The following IQCM variants were observed in gnomAD, a reference collection of about 807,000 sequenced individuals.
IQCM encodes the protein IQ motif containing M.
Under a neutral mutation model 57.6 loss-of-function variants are expected in IQCM, and 45 were observed. That is an observed-to-expected ratio of 0.78 (90% CI 0.62 to 1.00). The LOEUF (loss-of-function observed/expected upper bound fraction) is 1.00. Ranked by LOEUF, IQCM falls within the 50% of genes least tolerant of loss-of-function variation. The pLI, the probability that IQCM is intolerant of heterozygous loss-of-function variation, is 0.00. For synonymous variants in IQCM, 148 were observed against 158.9 expected (o/e 0.93, Z 0.51); for missense variants, 468 against 511.6 (o/e 0.91, Z 0.82).
intron 2 of IQCM, among the ~76,000 whole-genome samples, chr4:149,813,452 C>T (rs918392101): frequency 1.3e-5 from 2 of 151,998 alleles, no homozygotes; most frequent in African/African-American, 4.8e-5. Flanking sequence ...TGAAGTACTA[C>T]ACCCAAGAAA....
chr4:149,361,365 A>C (rs7665971), intron 13 of IQCM, among the ~76,000 whole-genome samples: 42,877 of 151,922 alleles, frequency 0.28, 6,159 homozygotes, highest in Middle Eastern at 0.33. Context: ...GTAGCAAGGA[A>C]CCTAATGTTA....
At chr4:149,510,066 G>T (rs1744242777) in intron 12 of IQCM, among the ~76,000 whole-genome samples, 1 of 152,072 alleles carries the variant, frequency 6.6e-6, no homozygotes, top group African/African-American at 2.4e-5. Context: ...TTGCCAACAT[G>T]ATTTCCACAA....
chr4:149,470,208 T>C (rs1237594435), intron 12 of IQCM, among the ~76,000 whole-genome samples: 1 of 151,908 alleles, frequency 6.6e-6, no homozygotes, highest in Non-Finnish European at 1.5e-5. Context: ...GACCCATCAG[T>C]GTGCTGTATT....
At chr4:149,727,400 T>C (rs1415446104) in intron 5 of IQCM, among the ~76,000 whole-genome samples, 1 of 152,188 alleles carries the variant, frequency 6.6e-6, no homozygotes, top group Non-Finnish European at 1.5e-5. Flanking sequence ...ATGCTGTCTT[T>C]CCCTTACACT....
chr4:149,585,157 G>GTAA (rs1162330389), intron 9 of IQCM, among the ~76,000 whole-genome samples: 1 of 151,686 alleles, frequency 6.6e-6, no homozygotes, highest in African/African-American at 2.4e-5. Flanking sequence ...CCTGGCAATA[G>GTAA]TAATATATGT....
intron 2 of IQCM, among the ~76,000 whole-genome samples, chr4:149,797,567 A>G (rs1222725927): frequency 5.3e-5 from 8 of 152,116 alleles, no homozygotes; most frequent in Non-Finnish European, 8.8e-5. Flanking sequence ...TCAATATTCA[A>G]GTACAGAAAG....
At chr4:149,669,516 A>T (rs1024789688) in intron 7 of IQCM, among the ~76,000 whole-genome samples, 1 of 152,072 alleles carries the variant, frequency 6.6e-6, no homozygotes, top group East Asian at 1.9e-4. Context: ...TTTTGTTGCC[A>T]TTGCTTTTGG....
chr4:149,597,948 C>T (rs952999533), intron 8 of IQCM, among the ~76,000 whole-genome samples: 1 of 152,002 alleles, frequency 6.6e-6, no homozygotes, highest in African/African-American at 2.4e-5. Context: ...AAATAGAGTA[C>T]ATAGACATAT....
chr4:149,656,938 C>T (rs1759687395), intron 7 of IQCM, among the ~76,000 whole-genome samples: 1 of 152,128 alleles, frequency 6.6e-6, no homozygotes, highest in African/African-American at 2.4e-5. Context: ...TTAATCATGG[C>T]TGAGAGACGG....
intron 12 of IQCM, among the ~76,000 whole-genome samples, chr4:149,458,240 T>A (rs1737910700): frequency 6.6e-6 from 1 of 152,098 alleles, no homozygotes; most frequent in Non-Finnish European, 1.5e-5. Flanking sequence ...ATAATGTGAT[T>A]TTATTAATAT....
At chr4:149,670,949 T>C (rs1761214404) in intron 7 of IQCM, among the ~76,000 whole-genome samples, 1 of 151,938 alleles carries the variant, frequency 6.6e-6, no homozygotes, top group African/African-American at 2.4e-5. Context: ...TCTTTTTTTT[T>C]TTTTTGTTGT....
intron 13 of IQCM, among the ~76,000 whole-genome samples, chr4:149,420,567 A>G (rs1339938840): frequency 1.3e-5 from 2 of 152,000 alleles, no homozygotes; most frequent in African/African-American, 2.4e-5. Flanking sequence ...GGTGCAGCAA[A>G]CCACCATGGC....
At chr4:149,673,863 G>A (rs532875020) in intron 7 of IQCM, among the ~76,000 whole-genome samples, 1 of 152,024 alleles carries the variant, frequency 6.6e-6, no homozygotes, top group African/African-American at 2.4e-5. Context: ...AAAAGGCTAA[G>A]TTTTTTGTTG....
At chr4:149,465,971 G>A (rs1738818979) in intron 12 of IQCM, among the ~76,000 whole-genome samples, 1 of 152,064 alleles carries the variant, frequency 6.6e-6, no homozygotes, top group East Asian at 1.9e-4. Flanking sequence ...TCAGAGAAGT[G>A]CATATTGAAA....
At chr4:149,636,958 A>C (rs1042303192) in intron 7 of IQCM, among the ~76,000 whole-genome samples, 1 of 151,256 alleles carries the variant, frequency 6.6e-6, no homozygotes, top group Non-Finnish European at 1.5e-5. Flanking sequence ...CCTGGCTAAC[A>C]AGGTGAAACC....
At chr4:149,381,383 T>C (rs1485027397) in intron 13 of IQCM, among the ~76,000 whole-genome samples, 1 of 152,126 alleles carries the variant, frequency 6.6e-6, no homozygotes, top group Non-Finnish European at 1.5e-5. Context: ...TTCCTATTTC[T>C]CTCAGGCTAA....
intron 7 of IQCM, among the ~76,000 whole-genome samples, chr4:149,639,490 C>T (rs889177303): frequency 1.5e-4 from 22 of 151,344 alleles, no homozygotes; most frequent in African/African-American, 5.3e-4. Flanking sequence ...GTTAAATATT[C>T]TTATCTTATC....
At chr4:149,583,203 A>T (rs887226524) in intron 9 of IQCM, among the ~76,000 whole-genome samples, 1 of 151,672 alleles carries the variant, frequency 6.6e-6, no homozygotes, top group Non-Finnish European at 1.5e-5. Context: ...ACATATTTAC[A>T]TGAACTATAA....
chr4:149,375,349 T>C (rs954298158), intron 13 of IQCM, among the ~76,000 whole-genome samples: 1 of 152,022 alleles, frequency 6.6e-6, no homozygotes, highest in Non-Finnish European at 1.5e-5. Flanking sequence ...TCTTTCCCTG[T>C]AGAAGGAAGG....
Sources: gnomAD v4.1 joint callset for allele counts (sites outside exome capture counted in the v4.1 genomes callset) on GRCh38, gnomAD v4.1.1 for gene constraint, MANE v1.5 for transcripts, NCBI Gene and HGNC (gene_info 2026-07-23, HGNC 2026-07-21) for gene names.